CPXM2: variants seen among roughly 807,000 people sequenced by gnomAD.
CPXM2 encodes the protein inactive carboxypeptidase-like protein X2.
A neutral mutation model predicts 86.1 loss-of-function variants in CPXM2; 66 were observed. That is an observed-to-expected ratio of 0.77 (90% CI 0.63 to 0.94). The LOEUF is 0.94. Ranked by LOEUF, CPXM2 falls within the 40% of genes least tolerant of loss-of-function variation. The pLI, the probability that CPXM2 is intolerant of heterozygous loss-of-function variation, is 0.00. For synonymous variants in CPXM2, 388 were observed against 400.2 expected (o/e 0.97, Z 0.36); for missense variants, 948 against 1,026.3 (o/e 0.92, Z 1.04).
At chr10:123,861,418 T>C (rs1014927359) in intron 3 of CPXM2, among the ~76,000 whole-genome samples, 1 of 152,108 alleles carries the variant, frequency 6.6e-6, no homozygotes, top group Non-Finnish European at 1.5e-5. Context: ...CAAAATGCCC[T>C]GGGGATGGGG....
chr10:123,819,259 G>A (rs939219508), intron 4 of CPXM2, among the ~76,000 whole-genome samples: 1 of 152,154 alleles, frequency 6.6e-6, no homozygotes, highest in Admixed American at 6.5e-5. Context: ...GTATTACTGT[G>A]CCCTGTGATT....
chr10:123,841,877 C>T (rs1389492617), intron 4 of CPXM2, among the ~76,000 whole-genome samples: 1 of 152,192 alleles, frequency 6.6e-6, no homozygotes, highest in African/African-American at 2.4e-5. Flanking sequence ...CTCTGTCATC[C>T]TTGACTTTCA....
intron 2 of CPXM2, among the ~76,000 whole-genome samples, chr10:123,868,350 G>C (rs1427267774): frequency 6.6e-6 from 1 of 152,184 alleles, no homozygotes; most frequent in Non-Finnish European, 1.5e-5. Context: ...GCTTCTCTGA[G>C]GCAATCAGCA....
intron 3 of CPXM2, among the ~76,000 whole-genome samples, chr10:123,846,899 A>G (rs934209392): frequency 2.6e-5 from 4 of 152,166 alleles, no homozygotes; most frequent in African/African-American, 7.2e-5. Flanking sequence ...ATCCAGACCT[A>G]TTGCAGGGTG....
chr10:123,762,011 G>A lies in CPXM2; in HGVS notation c.1638C>T (p.His546=), dbSNP rs766624237. Reference sequence around the variant, plus strand: ...AGGAGTAGGCCAGCCAGCGGAACACGTGGTCGTCGGGGGTGGGGGTGTGTT... The same window carrying A: ...AGGAGTAGGCCAGCCAGCGGAACACATGGTCGTCGGGGGTGGGGGTGTGTT... ...TQEHTPTPDD[H]VFRWLAYSYA... Residue 546 remains histidine, a synonymous_variant, in exon 11 of 14, where the codon CAC becomes CAT. Coordinates refer to ENST00000241305, the MANE Select transcript of CPXM2 (RefSeq NM_198148.3). The A allele has an allele frequency of 8.1e-6, 13 of 1,613,620 alleles. No homozygotes were observed. Among genetic ancestry groups the A allele is most frequent in the South Asian group, 1.1e-5 (1 of 91,052 alleles).
rs1023328602 is a variant in CPXM2, at chr10:123,832,481, G to A, written c.653+9868C>T. Among the ~76,000 whole-genome samples the A allele has an allele frequency of 4.6e-5, 7 of 152,248 alleles. No homozygotes were observed. The South Asian group carries it at 1.5e-3, about 32-fold the overall frequency. On this transcript the variant is annotated intron_variant, in intron 4 of 13. Coordinates refer to ENST00000241305, the MANE Select transcript of CPXM2 (RefSeq NM_198148.3). ...AAGTAGGTGCTGTGGTTGAGTGTGT[G>A]TCCCTCCAAAATTCATATGTTGGAA... is the stretch of plus-strand genomic sequence containing the variant.
At chr10:123,779,284 G>T (rs1030857945) in intron 7 of CPXM2, among the ~76,000 whole-genome samples, 1 of 152,182 alleles carries the variant, frequency 6.6e-6, no homozygotes. Context: ...GATTTCATAG[G>T]CACCGCACTT....
At chr10:123,844,758 A>G (rs562905757) in intron 3 of CPXM2, among the ~76,000 whole-genome samples, 66 of 152,348 alleles carry the variant, frequency 4.3e-4, no homozygotes, top group African/African-American at 1.5e-3. Flanking sequence ...TGAATGACTC[A>G]GCAAGAGAAG....
chr10:123,770,774 A>C, intron 8 of CPXM2, 142 bp downstream of exon 8: 1 of 854,148 alleles, frequency 1.2e-6, no homozygotes, highest in Admixed American at 2.5e-5. Flanking sequence ...AACATGGGCA[A>C]AATCTGTCTA....
upstream of CPXM2, among the ~76,000 whole-genome samples, chr10:123,894,607 C>A (rs1590109332): frequency 6.6e-6 from 1 of 152,246 alleles, no homozygotes; most frequent in Non-Finnish European, 1.5e-5. Flanking sequence ...GCAAAGCTGA[C>A]CTCATTCTCT....
At chr10:123,855,417 G>A (rs567286158) in intron 3 of CPXM2, among the ~76,000 whole-genome samples, 1 of 152,314 alleles carries the variant, frequency 6.6e-6, no homozygotes, top group East Asian at 1.9e-4. Flanking sequence ...GATAGGCTTA[G>A]GGTCAAAGAC....
intron 10 of CPXM2, among the ~76,000 whole-genome samples, chr10:123,762,734 C>T (rs769618366): frequency 6.6e-6 from 1 of 152,002 alleles, no homozygotes; most frequent in African/African-American, 2.4e-5. Flanking sequence ...AAAAAGAAAA[C>T]GATGTTAAAA....
At chr10:123,763,456 C>T (rs1335037375) in intron 10 of CPXM2, among the ~76,000 whole-genome samples, 1 of 152,044 alleles carries the variant, frequency 6.6e-6, no homozygotes, top group Non-Finnish European at 1.5e-5. Context: ...CCACTGTATC[C>T]TAAGTGATGT....
chr10:123,792,778 C>A (rs1375066516), intron 6 of CPXM2, among the ~76,000 whole-genome samples: 8 of 152,132 alleles, frequency 5.3e-5, no homozygotes, highest in Admixed American at 5.2e-4. Flanking sequence ...GCATACAAAT[C>A]GGCATCAGAA....
intron 3 of CPXM2, among the ~76,000 whole-genome samples, chr10:123,844,668 C>A (rs891588451): frequency 6.6e-6 from 1 of 152,134 alleles, no homozygotes; most frequent in Admixed American, 6.5e-5. Flanking sequence ...AGAAATACAA[C>A]TTTGATCTCT....
At chr10:123,841,539 C>T (rs914214582) in intron 4 of CPXM2, among the ~76,000 whole-genome samples, 1 of 152,160 alleles carries the variant, frequency 6.6e-6, no homozygotes, top group African/African-American at 2.4e-5. Context: ...GCCCTGGCAA[C>T]ACCATTCTAA....
chr10:123,875,089 G>T (rs1350927619), intron 2 of CPXM2, among the ~76,000 whole-genome samples: 1 of 152,184 alleles, frequency 6.6e-6, no homozygotes, highest in Non-Finnish European at 1.5e-5. Context: ...TCTACTGTAG[G>T]CTACAGCCAG....
Position 123,878,506 on chromosome 10 carries a change from CGTGTGTGT to C in CPXM2, c.403+1697_403+1704del, listed in dbSNP as rs200009107. Reference sequence around the variant, plus strand: ...TGGCAGAAAAGGAGGCAAATTCAGACGTGTGTGTGTGTGTGTGTGTGTGTGTGTGTGTG... The same window carrying C: ...TGGCAGAAAAGGAGGCAAATTCAGACGTGTGTGTGTGTGTGTGTGTGTGTG... On this transcript the variant is annotated intron_variant, in intron 2 of 13. Transcript: ENST00000241305. Among the ~76,000 whole-genome samples, 125 of 134,874 alleles carry C rather than the reference CGTGTGTGT, an allele frequency of 9.3e-4. 1 individual carries two copies. Among genetic ancestry groups the C allele is most frequent in the African/African-American group, 2.7e-3 (96 of 35,772 alleles). The allele number at this position is 134,874 out of a possible 152,430, so 88.5% of individuals were successfully genotyped here.
At chr10:123,901,459 G>A (rs1015592363) in intron 2 of CPXM2, among the ~76,000 whole-genome samples, 12 of 143,032 alleles carry the variant, frequency 8.4e-5, no homozygotes, top group African/African-American at 3.3e-4. Context: ...GTGTGTGTGT[G>A]TGTGTGTGTG....
Sources: allele counts gnomAD v4.1 joint callset (sites outside exome capture counted in the v4.1 genomes callset), GRCh38; gene constraint gnomAD v4.1.1; transcripts MANE v1.5; gene names NCBI Gene and HGNC (gene_info 2026-07-23, HGNC 2026-07-21).